The following ITGB3BP variants were observed in gnomAD, a reference collection of about 807,000 sequenced individuals.
ITGB3BP encodes the protein integrin subunit beta 3 binding protein, also known as centromere protein R.
A neutral mutation model predicts 29.1 loss-of-function variants in ITGB3BP; 27 were observed. That is an observed-to-expected ratio of 0.93 (90% CI 0.68 to 1.28). The LOEUF (loss-of-function observed/expected upper bound fraction) is 1.28. ITGB3BP is among the 50% of genes most tolerant of loss of function. The pLI is 0.00. For synonymous variants in ITGB3BP, 61 were observed against 61.4 expected (o/e 0.99, Z 0.03); for missense variants, 192 against 200.2 (o/e 0.96, Z 0.25).
intron 4 of ITGB3BP, among the ~76,000 whole-genome samples, chr1:63,474,389 G>T (rs2100604141): frequency 6.7e-6 from 1 of 150,340 alleles, no homozygotes; most frequent in East Asian, 2.0e-4. Flanking sequence ...CCCCGTCTGG[G>T]AGGTGTGCCC....
At chr1:63,451,896 T>C (rs1644865218) in intron 7 of ITGB3BP, 1 of 152,092 alleles carries the variant, frequency 6.6e-6, no homozygotes, top group Non-Finnish European at 1.5e-5. Flanking sequence ...CACAGTAGTA[T>C]ATAACATACT....
In ITGB3BP at chr1:63,501,215, A is replaced by G. The variant is rs183045552; in HGVS notation, c.48+7313T>C. On this transcript the variant is annotated intron_variant, in intron 2 of 8. Coordinates refer to ENST00000271002, the MANE Select transcript of ITGB3BP (RefSeq NM_014288.5). The stretch of plus-strand genomic sequence containing the variant: ...AACTCAAAATGGAAGACCTAAATGA[A>G]AGAGTTAATACTATAAAACTCTTAG... 5.7e-3 allele frequency among the ~76,000 whole-genome samples: 874 copies of G among 152,354 alleles called. 5 individuals carry two copies. Among genetic ancestry groups the G allele is most frequent in the African/African-American group, 0.02 (844 of 41,576 alleles).
intron 2 of ITGB3BP, among the ~76,000 whole-genome samples, chr1:63,496,381 C>T (rs1193362990): frequency 6.6e-6 from 1 of 152,142 alleles, no homozygotes; most frequent in African/African-American, 2.4e-5. Context: ...GTGTGAGCCA[C>T]TGCACCTGGC....
chr1:63,448,221 C>G (rs1301837475), intron 7 of ITGB3BP, among the ~76,000 whole-genome samples: 1 of 146,920 alleles, frequency 6.8e-6, no homozygotes, highest in Non-Finnish European at 1.5e-5. Flanking sequence ...GGAGATATAC[C>G]TAATGCTAAA....
At chr1:63,449,038 G>A (rs1442217632) in intron 7 of ITGB3BP, among the ~76,000 whole-genome samples, 1 of 152,116 alleles carries the variant, frequency 6.6e-6, no homozygotes. Context: ...CTGTTTAAAT[G>A]TTATTTATTT....
At chr1:63,483,654 G>T (rs886901900) in intron 3 of ITGB3BP, among the ~76,000 whole-genome samples, 4 of 152,078 alleles carry the variant, frequency 2.6e-5, no homozygotes, top group African/African-American at 9.7e-5. Flanking sequence ...TGACTCAATA[G>T]TTTTCAATCA....
intron 1 of ITGB3BP, among the ~76,000 whole-genome samples, chr1:63,514,576 T>A (rs1046595006): frequency 6.6e-6 from 1 of 152,130 alleles, no homozygotes; most frequent in Non-Finnish European, 1.5e-5. Flanking sequence ...TTAGTAAGAG[T>A]TCTTTCTTAT....
chr1:63,465,595 A>G (rs1260169215), intron 4 of ITGB3BP, among the ~76,000 whole-genome samples: 1 of 151,860 alleles, frequency 6.6e-6, no homozygotes. Flanking sequence ...GGATCTCCCT[A>G]TGTTGCTCAG....
intron 2 of ITGB3BP, among the ~76,000 whole-genome samples, chr1:63,499,925 G>A (rs1275871016): frequency 6.6e-6 from 1 of 152,076 alleles, no homozygotes; most frequent in African/African-American, 2.4e-5. Flanking sequence ...CTAAGATCAG[G>A]TACAAGAAAA....
rs1018864076 is a variant in ITGB3BP at position 63,441,029 on chromosome 1, T to G, written c.*76A>C. The G allele has an allele frequency of 6.5e-6, 1 of 152,692 alleles. No homozygotes were observed. The highest frequency in any genetic ancestry group is 6.5e-5 in the Admixed American group (1 of 15,288). 9.5% of individuals were successfully genotyped at this position (152,692 alleles called of 1,614,324 possible). The stretch of plus-strand genomic sequence containing the variant: ...TTACTGGGCAGATTAATTACAAATA[T>G]TTCTCTGTTCCTTTAAATATGATCA... On this transcript the variant is annotated 3_prime_UTR_variant, in exon 9 of 9. Coordinates refer to ENST00000271002, the MANE Select transcript of ITGB3BP (RefSeq NM_014288.5).
chr1:63,501,043 G>A (rs1411647135), intron 2 of ITGB3BP, among the ~76,000 whole-genome samples: 1 of 152,110 alleles, frequency 6.6e-6, no homozygotes, highest in East Asian at 1.9e-4. Flanking sequence ...AAGGTGCCAA[G>A]GCTGTTCAAT....
intron 1 of ITGB3BP, among the ~76,000 whole-genome samples, chr1:63,517,198 TAAA>T (rs1455730994): frequency 6.6e-6 from 1 of 151,768 alleles, no homozygotes; most frequent in Admixed American, 6.6e-5. Flanking sequence ...GAGCAAAACT[TAAA>T]AAGAAATGTT....
chr1:63,514,561 G>C (rs948187675), intron 1 of ITGB3BP, among the ~76,000 whole-genome samples: 1 of 152,096 alleles, frequency 6.6e-6, no homozygotes. Context: ...TCTTTCTACT[G>C]TTGATTAGTA....
chr1:63,501,700 T>A (rs935755384), intron 2 of ITGB3BP, among the ~76,000 whole-genome samples: 1 of 150,866 alleles, frequency 6.6e-6, no homozygotes, highest in South Asian at 2.1e-4. Context: ...AAAAAAAAAA[T>A]AGATACAAAA....
chr1:63,498,101 A>G (rs1193135286), intron 2 of ITGB3BP, among the ~76,000 whole-genome samples: 1 of 152,212 alleles, frequency 6.6e-6, no homozygotes, highest in African/African-American at 2.4e-5. Context: ...AAATTCAACT[A>G]TAATAGTTGG....
At chr1:63,504,558 A>T (rs1646024714) in intron 2 of ITGB3BP, among the ~76,000 whole-genome samples, 1 of 152,048 alleles carries the variant, frequency 6.6e-6, no homozygotes, top group African/African-American at 2.4e-5. Flanking sequence ...GTTGAATAGG[A>T]GTGGTGAGAG....
intron 1 of ITGB3BP, among the ~76,000 whole-genome samples, chr1:63,514,992 C>T (rs564890264): frequency 1.0e-4 from 15 of 149,658 alleles, no homozygotes; most frequent in South Asian, 8.5e-4. Flanking sequence ...CTTTTTTTAA[C>T]GGTATCTCTT....
chr1:63,498,615 A>T (rs188543001), intron 2 of ITGB3BP, among the ~76,000 whole-genome samples: 1 of 151,916 alleles, frequency 6.6e-6, no homozygotes, highest in Non-Finnish European at 1.5e-5. Flanking sequence ...GACAGCTCTC[A>T]TATCAATAAC....
At chr1:63,445,906 G>C (rs1440030814) in intron 8 of ITGB3BP, among the ~76,000 whole-genome samples, 1 of 151,818 alleles carries the variant, frequency 6.6e-6, no homozygotes, top group Non-Finnish European at 1.5e-5. Flanking sequence ...GCCAGTTTTT[G>C]TTGTTGTTTT....
Sources: allele counts gnomAD v4.1 joint callset (sites outside exome capture counted in the v4.1 genomes callset), GRCh38; gene constraint gnomAD v4.1.1; transcripts MANE v1.5; gene names NCBI Gene and HGNC (gene_info 2026-07-23, HGNC 2026-07-21).